The following OR51M1 variants were observed in gnomAD, a reference collection of about 807,000 sequenced individuals.
The protein encoded by OR51M1 is olfactory receptor family 51 subfamily M member 1.
For missense variants in OR51M1, 509 were observed against 404.4 expected (o/e 1.26, Z -2.22); for synonymous variants, 199 against 155.1 (o/e 1.28, Z -2.10).
rs892264991 is a variant in OR51M1, at chr11:5,383,847, T to A, written c.-192T>A. On this transcript the variant is annotated 5_prime_UTR_variant, in exon 1 of 3. Transcript: ENST00000642046. Reference sequence around the variant, plus strand: ...GTGCCTCTCAGTGACCCTTGTGTCATCCTTATCTATACTCTTCTTTCTTCC... The same window carrying A: ...GTGCCTCTCAGTGACCCTTGTGTCAACCTTATCTATACTCTTCTTTCTTCC... 2 of 152,230 alleles carry A rather than the reference T, an allele frequency of 1.3e-5. No individual in the cohort carries two copies. Among genetic ancestry groups the A allele is most frequent in the Non-Finnish European group, 2.9e-5 (2 of 68,078 alleles). The allele number at this position is 152,230 out of a possible 1,614,324, so 9.4% of individuals were successfully genotyped here.
At position 5,390,412 on chromosome 11, in the gene OR51M1, T is replaced by G; in HGVS notation, c.*33T>G. 1 of 1,514,548 alleles carries G rather than the reference T, an allele frequency of 6.6e-7. No homozygotes were observed. Among genetic ancestry groups the G allele is most frequent in the South Asian group, 1.3e-5 (1 of 77,846 alleles). 93.8% of individuals were successfully genotyped at this position (1,514,548 alleles called of 1,614,324 possible). A position where few individuals can be genotyped will look rare whatever the true frequency, so the allele number is the denominator to read the frequency against. On this transcript the variant is annotated 3_prime_UTR_variant, in exon 3 of 3. Coordinates refer to ENST00000642046, the MANE Select transcript of OR51M1 (RefSeq NM_001004756.3). The stretch of plus-strand genomic sequence containing the variant: ...GGCTAAAACTCCCCCTAGAGGCCTA[T>G]AAGAAGGCCCCAAATTGGACTGAAA...
chr11:5,386,572 G>A (rs1564795929), intron 2 of OR51M1, among the ~76,000 whole-genome samples: 2 of 151,932 alleles, frequency 1.3e-5, no homozygotes. Context: ...TTATTCTAAT[G>A]ATAGGAGCTA....
In OR51M1 at chr11:5,388,086, A is replaced by G. The variant is rs547581034; in HGVS notation, c.-15-1298A>G. Among the ~76,000 whole-genome samples the G allele has an allele frequency of 2.0e-5, 3 of 152,274 alleles. No homozygotes were observed. The South Asian group carries it at 6.2e-4, about 32-fold the overall frequency. On this transcript the variant is annotated intron_variant, in intron 2 of 2. Transcript: ENST00000642046. ...ATTTCAATATGTATTTATTGAATCAATTAATGAATAATTATTGAAATAATT... is the reference window on the plus strand; with the variant it reads ...ATTTCAATATGTATTTATTGAATCAGTTAATGAATAATTATTGAAATAATT...
In OR51M1 at chr11:5,389,711, T is replaced by C. The variant is rs2133728231; in HGVS notation, c.313T>C (p.Tyr105His). ...CTTCTGGTTTAACTCCCATAGTATC[T>C]ACTTTGGAGCGTGTCAAATCCAGAT... ...GIFWFNSHSI[Y>H]FGACQIQMFC... The change falls in exon 3 of 3, where the codon TAC becomes CAC. Residue 105 changes from tyrosine to histidine, a missense_variant. Physicochemically the swap from Tyr to His is moderately conservative, Grantham distance 83 (BLOSUM62 2). Coordinates refer to ENST00000642046, the MANE Select transcript of OR51M1 (RefSeq NM_001004756.3). 2 of 1,613,914 alleles carry C rather than the reference T, an allele frequency of 1.2e-6. No homozygotes were observed. Among genetic ancestry groups the C allele is most frequent in the East Asian group, 2.2e-5 (1 of 44,884 alleles).
intron 2 of OR51M1, among the ~76,000 whole-genome samples, chr11:5,387,390 A>T (rs935460080): frequency 2.0e-5 from 3 of 152,206 alleles, no homozygotes; most frequent in Non-Finnish European, 4.4e-5. Context: ...TTTTAAAAAA[A>T]ACATTATAGG....
chr11:5,387,826 A>AT (rs1422232505), intron 2 of OR51M1, among the ~76,000 whole-genome samples: 2 of 152,158 alleles, frequency 1.3e-5, no homozygotes, highest in Non-Finnish European at 2.9e-5. Context: ...ACTACCCTAT[A>AT]TAAAATGCAT....
intron 1 of OR51M1, among the ~76,000 whole-genome samples, chr11:5,384,584 T>C (rs1849656453): frequency 6.6e-6 from 1 of 152,258 alleles, no homozygotes; most frequent in Admixed American, 6.5e-5. Flanking sequence ...CCCTGGATCA[T>C]GTCTAGAAGT....
intron 2 of OR51M1, among the ~76,000 whole-genome samples, chr11:5,386,799 A>G (rs560420177): frequency 6.6e-6 from 1 of 151,854 alleles, no homozygotes; most frequent in African/African-American, 2.4e-5. Context: ...AACTTAGTTA[A>G]AAATTAGATA....
At chr11:5,388,984 G>C (rs1390174140) in intron 2 of OR51M1, among the ~76,000 whole-genome samples, 1 of 152,132 alleles carries the variant, frequency 6.6e-6, no homozygotes, top group East Asian at 1.9e-4. Flanking sequence ...TGTTGCTAGA[G>C]TCTGGAAATC....
rs376532329 is a variant in OR51M1, at chr11:5,389,510, T to G, written c.112T>G (p.Trp38Gly). 2.1e-5 allele frequency: 34 copies of G among 1,614,050 alleles called. No individual in the cohort carries two copies. Among genetic ancestry groups the G allele is most frequent in the Non-Finnish European group, 2.3e-5 (27 of 1,179,906 alleles). Reference sequence around the variant, plus strand: ...TCCTGGATTGGAAGGCATCAAACACTGGATTTTCATCCCCTTTTTCTTTAT... The same window carrying G: ...TCCTGGATTGGAAGGCATCAAACACGGGATTTTCATCCCCTTTTTCTTTAT... ...SFPGLEGIKHWIFIPFFFMYM... is the reference protein window; with the variant it reads ...SFPGLEGIKHGIFIPFFFMYM... The change falls in exon 3 of 3, where the codon TGG (tryptophan) becomes GGG (glycine). Residue 38 changes from tryptophan (W) to glycine (G), a missense_variant. Trp to Gly is a radical substitution (Grantham distance 184). Coordinates refer to ENST00000642046, the MANE Select transcript of OR51M1 (RefSeq NM_001004756.3).
intron 2 of OR51M1, 30 bp from the exon 3 acceptor site, chr11:5,389,350 GAATT>G: frequency 1.3e-6 from 2 of 1,563,522 alleles, no homozygotes; most frequent in Non-Finnish European, 1.7e-6. Context: ...TGAAGCTGAA[GAATT>G]AATAACCAGA....
rs1849768331 is a variant in OR51M1 at position 5,389,980 on chromosome 11, G to A, written c.582G>A (p.Gln194=). ...VVLSHSFCLH[Q]EVIQLACTDI... ...TCTCCCACTCATTTTGCCTGCACCA[G>A]GAAGTGATACAGCTGGCCTGCACAG... Residue 194 remains glutamine, a synonymous_variant, in exon 3 of 3, where the codon CAG becomes CAA. Transcript: ENST00000642046. The A allele has an allele frequency of 6.2e-7, 1 of 1,612,378 alleles. No individual in the cohort carries two copies. The highest frequency in any genetic ancestry group is 8.5e-7 in the Non-Finnish European group (1 of 1,179,898).
At position 5,390,223 on chromosome 11, in the gene OR51M1, T is replaced by C. The variant is rs777852437; in HGVS notation, c.825T>C (p.Arg275=). ...TGATGGGGCTGTCCCTGGTGCACCG[T>C]TTTGGGAAGCATGCCCCACCTGCTA... ...VPMMGLSLVH[R]FGKHAPPAIH... is the part of the protein sequence containing the mutation. Residue 275 remains arginine (R), a synonymous_variant, in exon 3 of 3, where the codon CGT becomes CGC. Transcript: ENST00000642046. The C allele has an allele frequency of 1.2e-6, 2 of 1,613,984 alleles. No homozygotes were observed. Among genetic ancestry groups the C allele is most frequent in the Non-Finnish European group, 1.7e-6 (2 of 1,179,870 alleles).
Position 5,389,854 on chromosome 11 carries a change from A to C in OR51M1, c.456A>C (p.Gln152His). 2 of 1,613,798 alleles carry C rather than the reference A, an allele frequency of 1.2e-6. No individual in the cohort carries two copies. Among genetic ancestry groups the C allele is most frequent in the Non-Finnish European group, 8.5e-7 (1 of 1,179,878 alleles). Residue 152 changes from glutamine (Q) to histidine (H), a missense_variant, in exon 3 of 3, where the codon CAA (glutamine) becomes CAC (histidine). By Grantham distance (24) the Gln-to-His change is conservative. Transcript: ENST00000642046. ...ATTCGGTCATTATCACTGGCCAGCAAGTGGTCAGAGCAGGCCTAATTGTCA... is the reference window on the plus strand; with the variant it reads ...ATTCGGTCATTATCACTGGCCAGCACGTGGTCAGAGCAGGCCTAATTGTCA... ...LRYSVIITGQ[Q>H]VVRAGLIVIF... is the part of the protein sequence containing the mutation.
intron 2 of OR51M1, among the ~76,000 whole-genome samples, chr11:5,387,263 A>G (rs1304020039): frequency 6.6e-6 from 1 of 152,182 alleles, no homozygotes; most frequent in Admixed American, 6.5e-5. Context: ...GCATGGCCAG[A>G]GCACACAACT....
rs1323717290 is a variant in OR51M1, at chr11:5,391,469, C to G, written c.*1090C>G. Reference sequence around the variant, plus strand: ...GGAGGAATTAGGCATGTCTTGCTCGCCAGTAAATGTATATAAATACAATGC... The same window carrying G: ...GGAGGAATTAGGCATGTCTTGCTCGGCAGTAAATGTATATAAATACAATGC... On this transcript the variant is annotated 3_prime_UTR_variant, in exon 3 of 3. Coordinates refer to ENST00000642046, the MANE Select transcript of OR51M1 (RefSeq NM_001004756.3). 1 of 152,152 alleles carries G rather than the reference C, an allele frequency of 6.6e-6. No homozygotes were observed. Among genetic ancestry groups the G allele is most frequent in the Non-Finnish European group, 1.5e-5 (1 of 68,044 alleles). The allele number at this position is 152,152 out of a possible 1,614,324, so 9.4% of individuals were successfully genotyped here.
Position 5,390,216 on chromosome 11 carries a change from T to C in OR51M1, c.818T>C (p.Val273Ala). ...GTGCCCATGATGGGGCTGTCCCTGG[T>C]GCACCGTTTTGGGAAGCATGCCCCA... Reference protein sequence around the residue: ...FFVPMMGLSLVHRFGKHAPPA... With the variant: ...FFVPMMGLSLAHRFGKHAPPA... Residue 273 changes from valine (V) to alanine (A), a missense_variant, in exon 3 of 3, where the codon GTG (valine) becomes GCG (alanine). Transcript: ENST00000642046. 1 of 1,614,046 alleles carries C rather than the reference T, an allele frequency of 6.2e-7. No individual in the cohort carries two copies. The highest frequency in any genetic ancestry group is 8.5e-7 in the Non-Finnish European group (1 of 1,179,900).
At chr11:5,388,336 A>G (rs1849733538) in intron 2 of OR51M1, among the ~76,000 whole-genome samples, 2 of 151,824 alleles carry the variant, frequency 1.3e-5, no homozygotes, top group South Asian at 4.2e-4. Flanking sequence ...ATATCATGGT[A>G]ATTAGTGCAT....
intron 1 of OR51M1, among the ~76,000 whole-genome samples, chr11:5,384,299 G>A (rs1294216050): frequency 6.6e-6 from 1 of 152,130 alleles, no homozygotes; most frequent in African/African-American, 2.4e-5. Context: ...ATTCTTCCAA[G>A]TTGCCAGGAT....
Sources: allele counts gnomAD v4.1 joint callset (sites outside exome capture counted in the v4.1 genomes callset), GRCh38; gene constraint gnomAD v4.1.1; transcripts MANE v1.5; gene names NCBI Gene and HGNC (gene_info 2026-07-23, HGNC 2026-07-21).